The following PCDH9 variants were observed in gnomAD, a reference collection of about 807,000 sequenced individuals.
PCDH9 encodes protocadherin 9.
PCDH9 carries 24 observed loss-of-function variants against 70.6 expected under a neutral mutation model. The ratio of observed to expected loss-of-function variants is 0.34; its 90% CI spans 0.25 to 0.48. PCDH9 has a LOEUF of 0.48. Among genes scored for constraint, PCDH9 ranks in the 20% least tolerant of loss-of-function variants. The pLI, the probability that PCDH9 is intolerant of heterozygous loss-of-function variation, is 0.99. For synonymous variants in PCDH9, 562 were observed against 558.5 expected (o/e 1.01, Z -0.09); for missense variants, 1,281 against 1,503.6 (o/e 0.85, Z 2.45).
At chr13:66,335,127 C>T (rs1464713837) in intron 4 of PCDH9, among the ~76,000 whole-genome samples, 2 of 152,098 alleles carry the variant, frequency 1.3e-5, no homozygotes, top group African/African-American at 2.4e-5. Flanking sequence ...GCATACACTA[C>T]AGAAATCCTT....
intron 3 of PCDH9, among the ~76,000 whole-genome samples, chr13:66,661,215 G>A (rs1474517859): frequency 1.3e-5 from 2 of 152,130 alleles, no homozygotes; most frequent in Non-Finnish European, 2.9e-5. Context: ...CTTATAGAAA[G>A]TTAGCTGAGC....
intron 4 of PCDH9, among the ~76,000 whole-genome samples, chr13:66,413,364 A>T (rs1003376281): frequency 2.0e-5 from 3 of 152,212 alleles, no homozygotes; most frequent in African/African-American, 7.2e-5. Flanking sequence ...AAAGATACAG[A>T]TATTTATTTT....
chr13:67,152,605 CT>C, intron 2 of PCDH9, among the ~76,000 whole-genome samples: 1 of 152,258 alleles, frequency 6.6e-6, no homozygotes, highest in East Asian at 1.9e-4. Context: ...GACTGATGCC[CT>C]TGTGGAAAGG....
At chr13:66,763,812 T>C (rs1399879475) in intron 3 of PCDH9, among the ~76,000 whole-genome samples, 1 of 152,058 alleles carries the variant, frequency 6.6e-6, no homozygotes, top group African/African-American at 2.4e-5. Context: ...TTTTGTTTTT[T>C]TGAGACGGAG....
chr13:66,887,708 A>G (rs79893576), intron 3 of PCDH9, among the ~76,000 whole-genome samples: 5 of 152,216 alleles, frequency 3.3e-5, no homozygotes, highest in African/African-American at 1.2e-4. Flanking sequence ...TATTGCTGAG[A>G]TCTTCCATTC....
At chr13:67,090,460 T>C (rs2086195227) in intron 2 of PCDH9, among the ~76,000 whole-genome samples, 1 of 152,034 alleles carries the variant, frequency 6.6e-6, no homozygotes, top group Non-Finnish European at 1.5e-5. Context: ...TAATCCTGTA[T>C]TGTACCTAAA....
chr13:66,815,687 AC>A (rs1464689918), intron 3 of PCDH9, among the ~76,000 whole-genome samples: 1 of 152,182 alleles, frequency 6.6e-6, no homozygotes, highest in Non-Finnish European at 1.5e-5. Flanking sequence ...ACATGTTCTC[AC>A]TTATAAGTGG....
At chr13:66,567,910 A>G (rs2076675932) in intron 4 of PCDH9, among the ~76,000 whole-genome samples, 2 of 152,176 alleles carry the variant, frequency 1.3e-5, no homozygotes, top group African/African-American at 4.8e-5. Context: ...ATTTTAGTTA[A>G]GACATATGTT....
At chr13:66,498,123 A>T (rs1344977987) in intron 4 of PCDH9, among the ~76,000 whole-genome samples, 4 of 149,010 alleles carry the variant, frequency 2.7e-5, no homozygotes, top group Admixed American at 2.0e-4. Flanking sequence ...CCCAGCCCAA[A>T]CTCTTACTAA....
In PCDH9 at chr13:66,870,195, C is replaced by T. The variant is rs1392854513; in HGVS notation, c.3138+33309G>A. On this transcript the variant is annotated intron_variant, in intron 3 of 4. Transcript: ENST00000377865. ...TAAATGGGGAATCCTTTCCCCATTG[C>T]TTGTTTTTCTCAGGTTTGTCAAATA... Among the ~76,000 whole-genome samples, 8 of 152,198 alleles carry T rather than the reference C, an allele frequency of 5.3e-5. No homozygotes were observed. In the East Asian group the frequency reaches 1.5e-3, roughly 29 times the overall value.
intron 2 of PCDH9, among the ~76,000 whole-genome samples, chr13:67,014,116 C>G (rs2084509410): frequency 6.6e-6 from 1 of 152,010 alleles, no homozygotes; most frequent in Non-Finnish European, 1.5e-5. Flanking sequence ...TAAATCTAGG[C>G]AATTTATTTG....
chr13:67,048,510 A>G (rs937244319), intron 2 of PCDH9, among the ~76,000 whole-genome samples: 1 of 152,038 alleles, frequency 6.6e-6, no homozygotes, highest in Non-Finnish European at 1.5e-5. Flanking sequence ...TTGTACAGTA[A>G]CTCCGGGCAT....
At position 67,003,938 on chromosome 13, in the gene PCDH9, G is replaced by A. The variant is rs76776634; in HGVS notation, c.3037-100333C>T. On this transcript the variant is annotated intron_variant, in intron 2 of 4. Coordinates refer to ENST00000377865, the MANE Select transcript of PCDH9 (RefSeq NM_203487.3). Reference sequence around the variant, plus strand: ...CTAGGGAAGGCAGATGGATGTGCCCGTTCCCATGTGCAGGGGAAATGTAAC... The same window carrying A: ...CTAGGGAAGGCAGATGGATGTGCCCATTCCCATGTGCAGGGGAAATGTAAC... Among the ~76,000 whole-genome samples, 157 of 152,230 alleles carry A rather than the reference G, an allele frequency of 1.0e-3. 1 individual carries two copies. Among genetic ancestry groups the A allele is most frequent in the African/African-American group, 3.6e-3 (151 of 41,548 alleles).
chr13:66,920,504 C>T (rs1266039823), intron 2 of PCDH9, among the ~76,000 whole-genome samples: 2 of 150,892 alleles, frequency 1.3e-5, no homozygotes, highest in Admixed American at 1.3e-4. Context: ...CACATAATTT[C>T]TTATATTAAT....
intron 2 of PCDH9, among the ~76,000 whole-genome samples, chr13:67,159,058 G>T (rs1047675724): frequency 6.6e-6 from 1 of 152,150 alleles, no homozygotes; most frequent in African/African-American, 2.4e-5. Flanking sequence ...AACCATAAAA[G>T]GAGATGCTAT....
At chr13:66,784,404 G>A (rs1362443995) in intron 3 of PCDH9, among the ~76,000 whole-genome samples, 1 of 152,094 alleles carries the variant, frequency 6.6e-6, no homozygotes, top group Non-Finnish European at 1.5e-5. Context: ...CCTAGGACCT[G>A]TGGTGAATTT....
At position 66,304,753 on chromosome 13, in the gene PCDH9, T is replaced by A. The variant is rs1230415677; in HGVS notation, c.3616A>T (p.Asn1206Tyr). ...KQYGSNEGHF[N>Y]NGSHMTDIPL... ...ATGTCTGTCATGTGGCTGCCATTGT[T>A]GAAATGGCCTTCATTGGAGCCATAC... The change falls in exon 5 of 5, where the codon AAC (asparagine) becomes TAC (tyrosine). Residue 1206 changes from asparagine to tyrosine, a missense_variant. Physicochemically the swap from Asn to Tyr is moderately radical, Grantham distance 143. Around this residue, in one of 4 missense-constraint regions of PCDH9, gnomAD observed 264 missense variants for 278.8 expected, o/e 0.95. Coordinates refer to ENST00000377865, the MANE Select transcript of PCDH9 (RefSeq NM_203487.3). 1 of 1,613,282 alleles carries A rather than the reference T, an allele frequency of 6.2e-7. No homozygotes were observed. Among genetic ancestry groups the A allele is most frequent in the Non-Finnish European group, 8.5e-7 (1 of 1,179,478 alleles).
At chr13:67,152,214 G>A (rs2087680527) in intron 2 of PCDH9, among the ~76,000 whole-genome samples, 2 of 152,246 alleles carry the variant, frequency 1.3e-5, no homozygotes, top group South Asian at 2.1e-4. Context: ...ACTGTTGATA[G>A]GAAACGGAAC....
At chr13:66,326,174 T>C (rs888831686) in intron 4 of PCDH9, among the ~76,000 whole-genome samples, 5 of 152,156 alleles carry the variant, frequency 3.3e-5, no homozygotes, top group African/African-American at 7.2e-5. Context: ...ATTACGTCTT[T>C]ATATGGCTTA....
Sources: gnomAD v4.1 joint callset for allele counts (sites outside exome capture counted in the v4.1 genomes callset) on GRCh38, gnomAD v4.1.1 for gene constraint, gnomAD v4.1.1 regional missense constraint, MANE v1.5 for transcripts, NCBI Gene and HGNC (gene_info 2026-07-23, HGNC 2026-07-21) for gene names.